MFSD2B: variants seen among roughly 807,000 people sequenced by gnomAD.
The protein encoded by MFSD2B is sphingosine-1-phosphate transporter MFSD2B.
MFSD2B carries 56 observed loss-of-function variants against 58.4 expected under a neutral mutation model. The ratio of observed to expected loss-of-function variants is 0.96; its 90% CI spans 0.77 to 1.20. The LOEUF is 1.20. Ranked by LOEUF, MFSD2B falls within the 50% of genes most tolerant of loss-of-function variation. MFSD2B has a pLI of 0.00. For missense variants in MFSD2B, 645 were observed against 667.6 expected (o/e 0.97, Z 0.37); for synonymous variants, 287 against 294.4 (o/e 0.97, Z 0.26).
intron 2 of MFSD2B, among the ~76,000 whole-genome samples, chr2:24,014,917 C>T (rs1709085915): frequency 6.6e-6 from 1 of 151,912 alleles, no homozygotes; most frequent in African/African-American, 2.4e-5. Flanking sequence ...GTCAGGAGTT[C>T]AAGACCAGCT....
In MFSD2B at chr2:24,017,452, C is replaced by T. The variant is rs1490409283; in HGVS notation, c.551-6C>T. ...TCAGTCACCTTAAGTGGCACTCTGT[C>T]TCCAGGGATGACTGTGGAGATGGCG... On this transcript the variant is annotated splice_region_variant and splice_polypyrimidine_tract_variant and intron_variant, in intron 5 of 13. Transcript: ENST00000338315. The surrounding 1 kb of genome is among the most constrained non-coding windows in gnomAD (Gnocchi z 4.8). 8 of 1,601,678 alleles carry T rather than the reference C, an allele frequency of 5.0e-6. No individual in the cohort carries two copies. Among genetic ancestry groups the T allele is most frequent in the Non-Finnish European group, 6.8e-6 (8 of 1,174,210 alleles).
Position 24,017,048 on chromosome 2 carries a change from G to A in MFSD2B, c.471+80G>A. On this transcript the variant is annotated intron_variant, in intron 4 of 13. Transcript: ENST00000338315. The surrounding 1 kb of genome is among the most constrained non-coding windows in gnomAD (Gnocchi z 4.8). ...GGCCACTCTGAAGTGTGCTGTGGGGGCAGGGCTGCCGCCCTCCCCACCCGC... is the reference window on the plus strand; with the variant it reads ...GGCCACTCTGAAGTGTGCTGTGGGGACAGGGCTGCCGCCCTCCCCACCCGC... The A allele has an allele frequency of 6.4e-7, 1 of 1,563,640 alleles. No homozygotes were observed. Among genetic ancestry groups the A allele is most frequent in the South Asian group, 1.2e-5 (1 of 85,586 alleles).
At chr2:24,018,572 G>T (rs1395438995) in intron 6 of MFSD2B, 1 of 183,274 alleles carries the variant, frequency 5.5e-6, no homozygotes, top group Non-Finnish European at 1.2e-5. Flanking sequence ...AGTGAGCAAG[G>T]GGGCCCGAAT....
At position 24,023,206 on chromosome 2, in the gene MFSD2B, G is replaced by A. The variant is rs1319442290; in HGVS notation, c.1136G>A (p.Gly379Asp). The A allele has an allele frequency of 6.2e-7, 1 of 1,613,700 alleles. No homozygotes were observed. Among genetic ancestry groups the A allele is most frequent in the Non-Finnish European group, 8.5e-7 (1 of 1,179,852 alleles). The change falls in exon 11 of 14, where the codon GGC becomes GAC. Residue 379 changes from glycine to aspartate, a missense_variant. Gly to Asp is a moderately conservative substitution (Grantham distance 94). Transcript: ENST00000338315. The surrounding 1 kb of genome is among the most constrained non-coding windows in gnomAD (Gnocchi z 5.0). ...GCATATGTCGTGGCCTTTGTATCTG[G>A]CGTGAGCATTGCTGTGTCCTTGCTG... ...PVAYVVAFVS[G>D]VSIAVSLLLP...
Position 24,025,593 on chromosome 2 carries a change from C to A in MFSD2B, c.*137C>A. 1.2e-6 allele frequency: 1 copy of A among 801,070 alleles called. No individual in the cohort carries two copies. The highest frequency in any genetic ancestry group is 2.0e-6 in the Non-Finnish European group (1 of 488,044). 49.6% of individuals were successfully genotyped at this position (801,070 alleles called of 1,614,324 possible). On this transcript the variant is annotated 3_prime_UTR_variant, in exon 14 of 14. Transcript: ENST00000338315. ...CCCTGGGATGTGGAGTCTTCGGCAA[C>A]GTGTCCTGAAGGGACTGGCCCGCAC...
chr2:24,014,886 G>A (rs1450016269), intron 2 of MFSD2B, among the ~76,000 whole-genome samples: 3 of 152,022 alleles, frequency 2.0e-5, no homozygotes, highest in African/African-American at 7.3e-5. Flanking sequence ...TTGCGAGGCC[G>A]AGGAGGGAGG....
rs1708991567 is a variant in MFSD2B, at chr2:24,012,442, C to A, written c.97-843C>A. 6.6e-6 allele frequency among the ~76,000 whole-genome samples: 1 copy of A among 152,208 alleles called. No individual in the cohort carries two copies. The highest frequency in any genetic ancestry group is 2.4e-5 in the African/African-American group (1 of 41,538). ...TGTTTCTAGTAGAGATGGGGTTTTG[C>A]CATGTTGGGCAGGCTGGTCTTCAAC... is the stretch of plus-strand genomic sequence containing the variant. On this transcript the variant is annotated intron_variant, in intron 1 of 13. Transcript: ENST00000338315. The surrounding 1 kb of genome is among the most constrained non-coding windows in gnomAD (Gnocchi z 4.5).
chr2:24,017,711 C>T lies in MFSD2B; in HGVS notation c.681+123C>T. On this transcript the variant is annotated intron_variant, in intron 6 of 13. Transcript: ENST00000338315. This position sits in a 1 kb window ranked among gnomAD's most constrained non-coding sequence, Gnocchi z 4.8. Reference sequence around the variant, plus strand: ...TGTCTTTTAGGGGGCTCACTGTGCCCCCTCATTCCTTCCCTGCTCCTCCAG... The same window carrying T: ...TGTCTTTTAGGGGGCTCACTGTGCCTCCTCATTCCTTCCCTGCTCCTCCAG... The T allele has an allele frequency of 9.5e-7, 1 of 1,053,962 alleles. No homozygotes were observed. The allele number at this position is 1,053,962 out of a possible 1,614,324, so 65.3% of individuals were successfully genotyped here. A position where few individuals can be genotyped will look rare whatever the true frequency, so the allele number is the denominator to read the frequency against.
chr2:24,022,916 G>A lies in MFSD2B; in HGVS notation c.1059+14G>A, dbSNP rs1383074408. ...TTTGGGATCTTTGTGAGTGAGGCGG[G>A]AATCAAGGATTGGGGGTGGCCGGAG... On this transcript the variant is annotated intron_variant, in intron 10 of 13. Coordinates refer to ENST00000338315, the MANE Select transcript of MFSD2B (RefSeq NM_001346880.2). The surrounding 1 kb of genome is among the most constrained non-coding windows in gnomAD (Gnocchi z 4.5). The A allele has an allele frequency of 6.2e-7, 1 of 1,603,806 alleles. No individual in the cohort carries two copies. The highest frequency in any genetic ancestry group is 1.3e-5 in the African/African-American group (1 of 74,816).
At chr2:24,016,344 C>A in intron 3 of MFSD2B, 64 bp downstream of exon 3, 1 of 1,547,584 alleles carries the variant, frequency 6.5e-7, no homozygotes, top group South Asian at 1.2e-5. Flanking sequence ...CACTGTTTGT[C>A]ACAGCCCTAT....
In MFSD2B at chr2:24,022,282, A is replaced by AT; in HGVS notation, c.895-150dup. ...AGTGGTGTTTGTATCTGTGTTGGGG[A>AT]TAAGTGTCCTTTGTGGGGGAAGGGA... is the stretch of plus-strand genomic sequence containing the variant. On this transcript the variant is annotated intron_variant, in intron 8 of 13. Coordinates refer to ENST00000338315, the MANE Select transcript of MFSD2B (RefSeq NM_001346880.2). The surrounding 1 kb of genome is among the most constrained non-coding windows in gnomAD (Gnocchi z 4.5). 1 of 719,314 alleles carries AT rather than the reference A, an allele frequency of 1.4e-6. No individual in the cohort carries two copies. Among genetic ancestry groups the AT allele is most frequent in the East Asian group, 2.7e-5 (1 of 37,010 alleles). The allele number at this position is 719,314 out of a possible 1,614,324, so 44.6% of individuals were successfully genotyped here.
chr2:24,013,155 T>C, intron 1 of MFSD2B, 130 bp from the exon 2 acceptor site: 1 of 894,642 alleles, frequency 1.1e-6, no homozygotes, highest in South Asian at 4.1e-5. Flanking sequence ...GGGGGCAAAA[T>C]GGGGCTGAGA....
chr2:24,014,841 C>T (rs1044479819), intron 2 of MFSD2B, among the ~76,000 whole-genome samples: 1 of 151,956 alleles, frequency 6.6e-6, no homozygotes, highest in Non-Finnish European at 1.5e-5. Flanking sequence ...GGTATCCAGC[C>T]GAGCATGGTG....
chr2:24,015,895 C>G (rs938814681), intron 2 of MFSD2B, among the ~76,000 whole-genome samples: 1 of 152,246 alleles, frequency 6.6e-6, no homozygotes, highest in Admixed American at 6.5e-5. Context: ...TCTGAGCCAG[C>G]CCCAGATGAG....
rs369341575 is a variant in MFSD2B, at chr2:24,016,142, C to T, written c.223-14C>T. 7.4e-6 allele frequency: 12 copies of T among 1,612,794 alleles called. No individual in the cohort carries two copies. In the African/African-American group the frequency reaches 1.2e-4, roughly 16 times the overall value. ...TGGGCCTCAGCTCTCTATCCCCTCCCCTGTCTGTTTCAGATCCCTGCCGCC... is the reference window on the plus strand; with the variant it reads ...TGGGCCTCAGCTCTCTATCCCCTCCTCTGTCTGTTTCAGATCCCTGCCGCC... On this transcript the variant is annotated splice_polypyrimidine_tract_variant and intron_variant, in intron 2 of 13. Coordinates refer to ENST00000338315, the MANE Select transcript of MFSD2B (RefSeq NM_001346880.2).
At position 24,016,189 on chromosome 2, in the gene MFSD2B, G is replaced by A. The variant is rs561135444; in HGVS notation, c.256G>A (p.Gly86Arg). Reference sequence around the variant, plus strand: ...CGCCCAGGTGTCACTTGTTCTGTTTGGGGGAAAAGTGTCTGGGGCGGCTGC... The same window carrying A: ...CGCCCAGGTGTCACTTGTTCTGTTTAGGGGAAAAGTGTCTGGGGCGGCTGC... ...PAAQVSLVLF[G>R]GKVSGAAADP... The change falls in exon 3 of 14, where the codon GGG (glycine) becomes AGG (arginine). Residue 86 changes from glycine (G) to arginine (R), a missense_variant. By Grantham distance (125) the Gly-to-Arg change is moderately radical. Coordinates refer to ENST00000338315, the MANE Select transcript of MFSD2B (RefSeq NM_001346880.2). 2 of 1,613,894 alleles carry A rather than the reference G, an allele frequency of 1.2e-6. No individual in the cohort carries two copies. Among genetic ancestry groups the A allele is most frequent in the African/African-American group, 1.3e-5 (1 of 75,064 alleles).
In MFSD2B at chr2:24,023,695, T is replaced by C. The variant is rs545973973; in HGVS notation, c.1282T>C (p.Cys428Arg). 6 of 1,613,916 alleles carry C rather than the reference T, an allele frequency of 3.7e-6. No homozygotes were observed. Among genetic ancestry groups the C allele is most frequent in the East Asian group, 4.5e-5 (2 of 44,874 alleles). ...CTTCTTCACCAAGCTGTCTGGCGCA[T>C]GTGCCCTGGGCATCTCCACCCTCAG... is the stretch of plus-strand genomic sequence containing the variant. ...YVFFTKLSGA[C>R]ALGISTLSLE... Residue 428 changes from cysteine to arginine, a missense_variant, in exon 12 of 14, where the codon TGT becomes CGT. Physicochemically the swap from Cys to Arg is radical, Grantham distance 180. Coordinates refer to ENST00000338315, the MANE Select transcript of MFSD2B (RefSeq NM_001346880.2). The surrounding 1 kb of genome is among the most constrained non-coding windows in gnomAD (Gnocchi z 5.0).
At position 24,012,395 on chromosome 2, in the gene MFSD2B, C is replaced by T. The variant is rs1400365256; in HGVS notation, c.97-890C>T. On this transcript the variant is annotated intron_variant, in intron 1 of 13. Transcript: ENST00000338315. This position sits in a 1 kb window ranked among gnomAD's most constrained non-coding sequence, Gnocchi z 4.5. ...CTGAGTAGCTGGGATTACAGGCGGC[C>T]ACTATGCCTGGCTAATTTTTGTGTT... 1.3e-5 allele frequency among the ~76,000 whole-genome samples: 2 copies of T among 152,124 alleles called. No individual in the cohort carries two copies. The highest frequency in any genetic ancestry group is 2.4e-5 in the African/African-American group (1 of 41,426).
chr2:24,019,419 C>G (rs997616395), intron 6 of MFSD2B, among the ~76,000 whole-genome samples: 4 of 152,046 alleles, frequency 2.6e-5, no homozygotes, highest in African/African-American at 7.2e-5. Context: ...TGTGGCCCAC[C>G]ACCCATTCAA....
Sources: allele counts gnomAD v4.1 joint callset (sites outside exome capture counted in the v4.1 genomes callset), GRCh38; gene constraint gnomAD v4.1.1; non-coding constraint Gnocchi (gnomAD v3.1); transcripts MANE v1.5; gene names NCBI Gene and HGNC (gene_info 2026-07-23, HGNC 2026-07-21).